The following OLFM1 variants were observed in gnomAD, a reference collection of about 807,000 sequenced individuals.
OLFM1 encodes the protein olfactomedin 1.
A neutral mutation model predicts 49.7 loss-of-function variants in OLFM1; 9 were observed. The ratio of observed to expected loss-of-function variants is 0.18; its 90% CI spans 0.11 to 0.32. OLFM1 has a LOEUF of 0.32. OLFM1 is among the 10% of genes least tolerant of loss of function. The probability of loss-of-function intolerance (pLI) is 1.00; values close to 1 mark genes in which losing one functional copy is unlikely to be tolerated. For synonymous variants in OLFM1, 240 were observed against 271.8 expected (o/e 0.88, Z 1.15); for missense variants, 369 against 661.8 (o/e 0.56, Z 4.85).
At chr9:135,076,484 G>A in intron 1 of OLFM1, 2 of 1,370,872 alleles carry the variant, frequency 1.5e-6, no homozygotes, top group South Asian at 1.6e-5. Context: ...AATAGAGAAA[G>A]GTCTCTGCTT....
intron 2 of OLFM1, chr9:135,095,264 A>C (rs1340511555): frequency 6.6e-6 from 1 of 152,262 alleles, no homozygotes; most frequent in Non-Finnish European, 1.5e-5. Context: ...GTGGGGTGTG[A>C]TGGATGGCAT....
chr9:135,086,790 T>A (rs149774890), upstream of OLFM1: 1,930 of 447,882 alleles, frequency 4.3e-3, 26 homozygotes, highest in African/African-American at 0.035. Context: ...GCCCTGCCTC[T>A]GTGCCTGGGC....
At chr9:135,096,417 C>G (rs1434089619) in intron 3 of OLFM1, among the ~76,000 whole-genome samples, 1 of 152,110 alleles carries the variant, frequency 6.6e-6, no homozygotes, top group African/African-American at 2.4e-5. Flanking sequence ...CAGAAATGGT[C>G]ATTTGGGGCA....
At chr9:135,090,542 GGGTGGATGGATGGAC>G (rs1442106950) in intron 2 of OLFM1, among the ~76,000 whole-genome samples, 198 bp downstream of exon 2, 1 of 151,922 alleles carries the variant, frequency 6.6e-6, no homozygotes, top group Non-Finnish European at 1.5e-5. Flanking sequence ...GTGGATGGGT[GGGTGGATGGATGGAC>G]GGATGGGTGG....
In OLFM1 at chr9:135,088,959, G is replaced by T. The variant is rs1475194790; in HGVS notation, c.150+820G>T. Among the ~76,000 whole-genome samples, 2 of 152,208 alleles carry T rather than the reference G, an allele frequency of 1.3e-5. No homozygotes were observed. The highest frequency in any genetic ancestry group is 2.4e-5 in the African/African-American group (1 of 41,456). On this transcript the variant is annotated intron_variant, in intron 1 of 5. Transcript: ENST00000371793. The surrounding 1 kb of genome is among the most constrained non-coding windows in gnomAD (Gnocchi z 4.8). ...GGCTGAGCGAGGCTGAGCTGAAACC[G>T]CCACCCGGAGGGCCGCGCGGGGAAG...
At chr9:135,097,890 T>A in intron 3 of OLFM1, 3 of 1,581,900 alleles carry the variant, frequency 1.9e-6, no homozygotes, top group Non-Finnish European at 2.6e-6. Context: ...ATTTTTACTA[T>A]TATTTTCCAA....
At position 135,098,408 on chromosome 9, in the gene OLFM1, C is replaced by T. The variant is rs184447617; in HGVS notation, c.579C>T (p.Asn193=). 4 of 1,613,912 alleles carry T rather than the reference C, an allele frequency of 2.5e-6. No individual in the cohort carries two copies. Among genetic ancestry groups the T allele is most frequent in the East Asian group, 4.5e-5 (2 of 44,888 alleles). The stretch of plus-strand genomic sequence containing the variant: ...TCCAGAATCTGACGTCAGTGCTTAA[C>T]GAGCTGCAAGAGGAAATTGGCGCCT... The part of the protein sequence containing the change: ...EEVQNLTSVL[N]ELQEEIGAYD... The change falls in exon 4 of 6, where the codon AAC becomes AAT. Residue 193 remains asparagine (N), a synonymous_variant. Transcript: ENST00000371793. The surrounding 1 kb of genome is among the most constrained non-coding windows in gnomAD (Gnocchi z 5.6).
At chr9:135,089,966 G>T (rs1830657434) in intron 1 of OLFM1, among the ~76,000 whole-genome samples, 3 of 152,184 alleles carry the variant, frequency 2.0e-5, no homozygotes, top group Admixed American at 2.0e-4. Flanking sequence ...AAAGGGTCTT[G>T]CCTCTTTGAC....
chr9:135,081,452 C>T (rs754288994), intron 1 of OLFM1, among the ~76,000 whole-genome samples: 1 of 152,080 alleles, frequency 6.6e-6, no homozygotes. Flanking sequence ...TGAAAACGGG[C>T]TTTTGAAGGA....
rs1410341955 is a variant in OLFM1 at position 135,113,956 on chromosome 9, G to A, written c.784-5548G>A. On this transcript the variant is annotated intron_variant, in intron 5 of 5. Transcript: ENST00000371793. This position sits in a 1 kb window ranked among gnomAD's most constrained non-coding sequence, Gnocchi z 4.0. ...TGCCAGGGGAGGACCCTCCTGCCTC[G>A]TCTCGTGGCTCCATGTGTTCCTGGC... Among the ~76,000 whole-genome samples the A allele has an allele frequency of 1.3e-5, 2 of 152,040 alleles. No individual in the cohort carries two copies. The highest frequency in any genetic ancestry group is 4.8e-5 in the African/African-American group (2 of 41,390).
At chr9:135,077,519 G>A (rs921329967) in intron 1 of OLFM1, 16 of 305,920 alleles carry the variant, frequency 5.2e-5, no homozygotes, top group East Asian at 5.0e-4. Context: ...CTGGACATCC[G>A]AACCCCAGCC....
At position 135,120,944 on chromosome 9, in the gene OLFM1, T is replaced by C. The variant is rs528663023; in HGVS notation, c.*766T>C. The C allele has an allele frequency of 3.9e-5, 6 of 152,706 alleles. No homozygotes were observed. Among genetic ancestry groups the C allele is most frequent in the Admixed American group, 6.5e-5 (1 of 15,294 alleles). The allele number at this position is 152,706 out of a possible 1,614,324, so 9.5% of individuals were successfully genotyped here. ...AAAAAAAAATCAGTGTTCACCCTTA[T>C]AGAGACATAGTCAAGTTCATGTTGA... On this transcript the variant is annotated 3_prime_UTR_variant, in exon 6 of 6. Transcript: ENST00000371793.
intron 5 of OLFM1, among the ~76,000 whole-genome samples, chr9:135,110,768 C>T (rs923977557): frequency 2.0e-5 from 3 of 152,326 alleles, no homozygotes; most frequent in Non-Finnish European, 2.9e-5. Context: ...CACCTCTTTC[C>T]CACCACCCAT....
chr9:135,089,103 A>G (rs1830644696), intron 1 of OLFM1, among the ~76,000 whole-genome samples: 1 of 152,128 alleles, frequency 6.6e-6, no homozygotes, highest in East Asian at 1.9e-4. Flanking sequence ...TGCCCTGCGA[A>G]GAGGGCTCCG....
rs1050257873 is a variant in OLFM1, at chr9:135,088,669, C to T, written c.150+530C>T. ...GCCGGTGGGCTCCGGAGCTCCTGCC[C>T]GCGCCTGCATTCCCAAAGTCCCAAG... On this transcript the variant is annotated intron_variant, in intron 1 of 5. Transcript: ENST00000371793. The surrounding 1 kb of genome is among the most constrained non-coding windows in gnomAD (Gnocchi z 4.8). Among the ~76,000 whole-genome samples the T allele has an allele frequency of 6.6e-6, 1 of 152,106 alleles. No individual in the cohort carries two copies. Among genetic ancestry groups the T allele is most frequent in the Admixed American group, 6.5e-5 (1 of 15,278 alleles).
At chr9:135,087,171 C>T, upstream of OLFM1, 1 of 1,344,528 alleles carries the variant, frequency 7.4e-7, no homozygotes, top group Non-Finnish European at 9.7e-7. Flanking sequence ...GCCCCCCTGG[C>T]GCTGGAGGCC....
At position 135,113,920 on chromosome 9, in the gene OLFM1, C is replaced by A. The variant is rs189081261; in HGVS notation, c.784-5584C>A. 1.3e-5 allele frequency among the ~76,000 whole-genome samples: 2 copies of A among 152,144 alleles called. No individual in the cohort carries two copies. The highest frequency in any genetic ancestry group is 2.9e-5 in the Non-Finnish European group (2 of 68,014). On this transcript the variant is annotated intron_variant, in intron 5 of 5. Coordinates refer to ENST00000371793, the MANE Select transcript of OLFM1 (RefSeq NM_001282611.2). This position sits in a 1 kb window ranked among gnomAD's most constrained non-coding sequence, Gnocchi z 4.0. The stretch of plus-strand genomic sequence containing the variant: ...CCAGACCAGGGCGCCTGCAGGGCTG[C>A]GCTCTGAAGATGCCAGGGGAGGACC...
intron 4 of OLFM1, among the ~76,000 whole-genome samples, chr9:135,100,304 C>T (rs1436912428): frequency 6.6e-6 from 1 of 152,216 alleles, no homozygotes; most frequent in East Asian, 1.9e-4. Context: ...GCTGGCCTTC[C>T]CATCTGTGCT....
intron 3 of OLFM1, among the ~76,000 whole-genome samples, chr9:135,096,740 A>T (rs1564273389): frequency 6.6e-6 from 1 of 152,218 alleles, no homozygotes; most frequent in Non-Finnish European, 1.5e-5. Context: ...GCCATTCTGG[A>T]GCAGGAATCT....
Sources: gnomAD v4.1 joint callset for allele counts (sites outside exome capture counted in the v4.1 genomes callset) on GRCh38, gnomAD v4.1.1 for gene constraint, Gnocchi (gnomAD v3.1) non-coding constraint, MANE v1.5 for transcripts, NCBI Gene and HGNC (gene_info 2026-07-23, HGNC 2026-07-21) for gene names.